SNTB1: variants seen among roughly 807,000 people sequenced by gnomAD.
SNTB1 encodes the protein syntrophin beta 1.
A neutral mutation model predicts 48.9 loss-of-function variants in SNTB1; 36 were observed. The ratio of observed to expected loss-of-function variants is 0.74; its 90% CI spans 0.56 to 0.97. SNTB1 has a LOEUF of 0.97. Among genes scored for constraint, SNTB1 ranks in the 50% least tolerant of loss-of-function variants. SNTB1 has a pLI of 0.00. For missense variants in SNTB1, 786 were observed against 703.4 expected (o/e 1.12, Z -1.33); for synonymous variants, 299 against 294.6 (o/e 1.01, Z -0.15).
chr8:120,634,433 G>C, intron 2 of SNTB1, among the ~76,000 whole-genome samples: 1 of 152,124 alleles, frequency 6.6e-6, no homozygotes, highest in East Asian at 1.9e-4. Flanking sequence ...GAACTTTGGA[G>C]AGAGAGAGAG....
chr8:120,604,830 A>T (rs1816486243), intron 3 of SNTB1, among the ~76,000 whole-genome samples: 1 of 152,236 alleles, frequency 6.6e-6, no homozygotes, highest in African/African-American at 2.4e-5. Flanking sequence ...TATATAGCTC[A>T]GTAACCATTC....
intron 4 of SNTB1, chr8:120,570,768 C>G (rs7001054): frequency 0.016 from 2,532 of 156,306 alleles, 66 homozygotes; most frequent in African/African-American, 0.058. Flanking sequence ...CAGCAGTGCA[C>G]GAGCTCTGTG....
chr8:120,650,243 G>A (rs183580756), intron 2 of SNTB1, among the ~76,000 whole-genome samples: 1 of 152,184 alleles, frequency 6.6e-6, no homozygotes, highest in Non-Finnish European at 1.5e-5. Flanking sequence ...TATAAGATGA[G>A]ACATATGTTA....
At chr8:120,744,812 G>A (rs1455224462) in intron 1 of SNTB1, among the ~76,000 whole-genome samples, 2 of 152,006 alleles carry the variant, frequency 1.3e-5, no homozygotes, top group Non-Finnish European at 2.9e-5. Context: ...TAATATTGTT[G>A]TCACATTAAA....
rs1403429250 is a variant in SNTB1, at chr8:120,755,170, GTGAGAGAGA to G, written c.571+56094_571+56102del. ...TGTGTGTGTGTGTGTGTGTGTGTGT[GTGAGAGAGA>G]GAGAGAGAGCGAGAGAGAGAGAAGA... On this transcript the variant is annotated intron_variant, in intron 1 of 6. Coordinates refer to ENST00000517992, the MANE Select transcript of SNTB1 (RefSeq NM_021021.4). Among the ~76,000 whole-genome samples the G allele has an allele frequency of 6.7e-5, 5 of 74,398 alleles. No individual in the cohort carries two copies. In the Admixed American group the frequency reaches 7.1e-4, roughly 11 times the overall value. The allele number at this position is 74,398 out of a possible 152,430, so 48.8% of individuals were successfully genotyped here. A position where few individuals can be genotyped will look rare whatever the true frequency, so the allele number is the denominator to read the frequency against.
At chr8:120,752,876 A>T (rs1819246265) in intron 1 of SNTB1, among the ~76,000 whole-genome samples, 1 of 151,218 alleles carries the variant, frequency 6.6e-6, no homozygotes, top group South Asian at 2.1e-4. Flanking sequence ...TGGGTACTAT[A>T]CTCGCTACCT....
At position 120,673,393 on chromosome 8, in the gene SNTB1, C is replaced by T. The variant is rs530114542; in HGVS notation, c.788+20299G>A. ...GCAACCTCCGTCTCCTGGGTTCAAG[C>T]GGTTCTCCTGCCTTAGCCTCCCGAG... On this transcript the variant is annotated intron_variant, in intron 2 of 6. Transcript: ENST00000517992. Among the ~76,000 whole-genome samples the T allele has an allele frequency of 8.6e-5, 13 of 151,698 alleles. No homozygotes were observed. In the South Asian group the frequency reaches 1.5e-3, roughly 17 times the overall value.
At chr8:120,593,362 G>A (rs1303212546) in intron 3 of SNTB1, among the ~76,000 whole-genome samples, 1 of 152,106 alleles carries the variant, frequency 6.6e-6, no homozygotes, top group East Asian at 1.9e-4. Flanking sequence ...CTTCCATTCT[G>A]TCTCAGCACC....
At chr8:120,722,569 C>T (rs1035941209) in intron 1 of SNTB1, among the ~76,000 whole-genome samples, 2 of 151,942 alleles carry the variant, frequency 1.3e-5, no homozygotes, top group East Asian at 1.9e-4. Flanking sequence ...TGTTCATATC[C>T]GTTGCTCACT....
At chr8:120,738,529 C>A (rs1051319789) in intron 1 of SNTB1, among the ~76,000 whole-genome samples, 2 of 141,908 alleles carry the variant, frequency 1.4e-5, no homozygotes, top group Admixed American at 1.5e-4. Context: ...ACCTACCTAC[C>A]TCCCTTCCTT....
In SNTB1 at chr8:120,571,479, GTTTTTTTTTTTTTTTTT is replaced by G. The variant is rs574978297; in HGVS notation, c.1136+3590_1136+3606del. 4.5e-3 allele frequency: 744 copies of G among 166,964 alleles called. 1 individual carries two copies. The highest frequency in any genetic ancestry group is 0.017 in the African/African-American group (332 of 18,976). 10.3% of individuals were successfully genotyped at this position (166,964 alleles called of 1,614,324 possible). A position where few individuals can be genotyped will look rare whatever the true frequency, so the allele number is the denominator to read the frequency against. ...GATGTTTACATTCTGACTATTGAGG[GTTTTTTTTTTTTTTTTT>G]TTTTTTTTTTTTTTTTTTTGAGACA... On this transcript the variant is annotated intron_variant, in intron 4 of 6. Coordinates refer to ENST00000517992, the MANE Select transcript of SNTB1 (RefSeq NM_021021.4).
chr8:120,561,522 T>C (rs1261751804), intron 4 of SNTB1, among the ~76,000 whole-genome samples: 2 of 152,120 alleles, frequency 1.3e-5, no homozygotes, highest in Admixed American at 6.5e-5. Flanking sequence ...AAGTTAACTT[T>C]TTTTTAATTA....
At chr8:120,555,898 G>C (rs1354481064) in intron 4 of SNTB1, among the ~76,000 whole-genome samples, 1 of 152,118 alleles carries the variant, frequency 6.6e-6, no homozygotes, top group African/African-American at 2.4e-5. Flanking sequence ...AAAGAGGGCA[G>C]CCATCCGCAA....
chr8:120,637,960 A>C (rs1817110711), intron 2 of SNTB1: 1 of 207,896 alleles, frequency 4.8e-6, no homozygotes, highest in Non-Finnish European at 1.1e-5. Context: ...TATTTCAGCC[A>C]TCTTGAGTCC....
Position 120,538,954 on chromosome 8 carries a change from A to T in SNTB1, c.1540T>A (p.Ser514Thr). The change falls in exon 7 of 7, where the codon TCC becomes ACC. Residue 514 changes from serine (S) to threonine (T), a missense_variant. Transcript: ENST00000517992. ...KDGEIQLDLH[S>T]CPKPIVFIIH... ...ATGAAAACAATTGGCTTGGGGCAGG[A>T]ATGAAGGTCCAGTTGCTGAAATTTA... 1 of 1,612,882 alleles carries T rather than the reference A, an allele frequency of 6.2e-7. No homozygotes were observed. The highest frequency in any genetic ancestry group is 1.1e-5 in the South Asian group (1 of 90,786).
chr8:120,633,316 A>T (rs925020977), intron 2 of SNTB1, among the ~76,000 whole-genome samples: 1 of 152,206 alleles, frequency 6.6e-6, no homozygotes, highest in Admixed American at 6.5e-5. Context: ...TATTCTATTT[A>T]AAGTCCAGGC....
At chr8:120,620,463 C>T (rs1014099121) in intron 3 of SNTB1, among the ~76,000 whole-genome samples, 12 of 151,988 alleles carry the variant, frequency 7.9e-5, no homozygotes, top group Admixed American at 2.6e-4. Context: ...AGCCCCTGCT[C>T]TTCCTTCTAT....
At chr8:120,762,740 T>C (rs149938254) in intron 1 of SNTB1, among the ~76,000 whole-genome samples, 4 of 152,166 alleles carry the variant, frequency 2.6e-5, no homozygotes, top group Non-Finnish European at 5.9e-5. Context: ...ACAGGTACCT[T>C]GTTTATTCTT....
intron 2 of SNTB1, among the ~76,000 whole-genome samples, chr8:120,642,886 G>A (rs895199892): frequency 2.0e-5 from 3 of 152,192 alleles, no homozygotes; most frequent in Non-Finnish European, 4.4e-5. Context: ...ACTCCAGCCT[G>A]GGTGACAGAG....
Sources: gnomAD v4.1 joint callset for allele counts (sites outside exome capture counted in the v4.1 genomes callset) on GRCh38, gnomAD v4.1.1 for gene constraint, MANE v1.5 for transcripts, NCBI Gene and HGNC (gene_info 2026-07-23, HGNC 2026-07-21) for gene names.